CDH6: variants seen among roughly 807,000 people sequenced by gnomAD.
CDH6 encodes cadherin 6, also known as cadherin-6.
CDH6 carries 31 observed loss-of-function variants against 78.0 expected under a neutral mutation model. That is an observed-to-expected ratio of 0.40 (90% CI 0.30 to 0.54). CDH6 has a LOEUF of 0.54. Ranked by LOEUF, CDH6 falls within the 20% of genes least tolerant of loss-of-function variation. The pLI is 0.56. For missense variants in CDH6, 724 were observed against 975.9 expected, an observed-to-expected ratio of 0.74 and a Z score of 3.44; for synonymous variants, 376 against 368.8, an observed-to-expected ratio of 1.02 and a Z score of -0.23.
rs992953532 is a variant in CDH6, at chr5:31,306,801, A to G, written c.1253+1374A>G. 5.3e-5 allele frequency among the ~76,000 whole-genome samples: 8 copies of G among 152,198 alleles called. No homozygotes were observed. In the East Asian group the frequency reaches 9.6e-4, roughly 18 times the overall value. ...ACAAACAGTAAATATGTAATACGTC[A>G]GGCAAAAGTAAATTTTAAGTGGAAA... On this transcript the variant is annotated intron_variant, in intron 7 of 11. Coordinates refer to ENST00000265071, the MANE Select transcript of CDH6 (RefSeq NM_004932.4).
chr5:31,207,447 A>T lies in CDH6; in HGVS notation c.-129+13561A>T, dbSNP rs148916966. 4.2e-3 allele frequency among the ~76,000 whole-genome samples: 633 copies of T among 152,164 alleles called. 2 individuals carry two copies. The highest frequency in any genetic ancestry group is 0.015 in the African/African-American group (606 of 41,498). ...CTGCTTCTCCAAGAAGCATTCTCTG[A>T]CCCCCACCTACCTATCTGACTCTTA... On this transcript the variant is annotated intron_variant, in intron 1 of 11. Coordinates refer to ENST00000265071, the MANE Select transcript of CDH6 (RefSeq NM_004932.4).
At chr5:31,215,176 A>G (rs892997347) in intron 1 of CDH6, among the ~76,000 whole-genome samples, 2 of 152,210 alleles carry the variant, frequency 1.3e-5, no homozygotes, top group Middle Eastern at 3.2e-3. Context: ...TTTAAGTACA[A>G]TATCACATAG....
At chr5:31,209,812 A>G (rs1740641784) in intron 1 of CDH6, among the ~76,000 whole-genome samples, 1 of 152,220 alleles carries the variant, frequency 6.6e-6, no homozygotes, top group East Asian at 1.9e-4. Context: ...TATCCTCAGC[A>G]TCAAAGTCAT....
rs1056167813 is a variant in CDH6, at chr5:31,324,679, T to C, written c.*1371T>C. 4.7e-6 allele frequency: 1 copy of C among 210,778 alleles called. No individual in the cohort carries two copies. The highest frequency in any genetic ancestry group is 2.3e-5 in the African/African-American group (1 of 44,110). The allele number at this position is 210,778 out of a possible 1,614,324, so 13.1% of individuals were successfully genotyped here. A position where few individuals can be genotyped will look rare whatever the true frequency, so the allele number is the denominator to read the frequency against. ...ATGATAAAGTAATGATCTCAAACTA[T>C]GACAGAAAAGTAATGTAAAATCCAT... On this transcript the variant is annotated 3_prime_UTR_variant, in exon 12 of 12. Transcript: ENST00000265071.
chr5:31,311,484 G>A (rs1738153641), intron 7 of CDH6, among the ~76,000 whole-genome samples: 1 of 152,138 alleles, frequency 6.6e-6, no homozygotes. Context: ...ACCTCTGCCT[G>A]TTACCCAGTT....
In CDH6 at chr5:31,325,149, T is replaced by C. The variant is rs961223456; in HGVS notation, c.*1841T>C. The C allele has an allele frequency of 8.8e-6, 2 of 227,834 alleles. No homozygotes were observed. Among genetic ancestry groups the C allele is most frequent in the Non-Finnish European group, 1.7e-5 (2 of 114,710 alleles). 14.1% of individuals were successfully genotyped at this position (227,834 alleles called of 1,614,324 possible). On this transcript the variant is annotated 3_prime_UTR_variant, in exon 12 of 12. Transcript: ENST00000265071. The stretch of plus-strand genomic sequence containing the variant: ...AAACGTTAAAAGAAGAGAAATGTAG[T>C]ATTTTGGGTTACCTGATTAGAGTGA...
intron 1 of CDH6, among the ~76,000 whole-genome samples, chr5:31,231,417 T>C (rs1741306720): frequency 6.6e-6 from 1 of 152,178 alleles, no homozygotes; most frequent in African/African-American, 2.4e-5. Context: ...TTTTGAATAT[T>C]TCATGGACGC....
At chr5:31,202,389 C>T (rs1561194702) in intron 1 of CDH6, among the ~76,000 whole-genome samples, 1 of 152,294 alleles carries the variant, frequency 6.6e-6, no homozygotes, top group Non-Finnish European at 1.5e-5. Flanking sequence ...AATCCCAGCA[C>T]TTTGGGAGGC....
At chr5:31,245,691 T>C (rs1741726700) in intron 1 of CDH6, among the ~76,000 whole-genome samples, 1 of 152,236 alleles carries the variant, frequency 6.6e-6, no homozygotes, top group East Asian at 1.9e-4. Context: ...CTACAAGAAA[T>C]ATTTAACCTA....
chr5:31,295,478 T>C (rs1024716853), intron 3 of CDH6, among the ~76,000 whole-genome samples: 1 of 152,186 alleles, frequency 6.6e-6, no homozygotes, highest in Non-Finnish European at 1.5e-5. Flanking sequence ...CATTATAGAA[T>C]TAAATTTGTA....
At chr5:31,293,623 G>A (rs1579891089) in intron 2 of CDH6, among the ~76,000 whole-genome samples, 1 of 152,198 alleles carries the variant, frequency 6.6e-6, no homozygotes, top group Non-Finnish European at 1.5e-5. Flanking sequence ...GTGAAAAATA[G>A]GAAAATCGTG....
In CDH6 at chr5:31,327,316, A is replaced by G. The variant is rs1738644857; in HGVS notation, c.*4008A>G. The G allele has an allele frequency of 5.2e-6, 1 of 191,272 alleles. No individual in the cohort carries two copies. Among genetic ancestry groups the G allele is most frequent in the Admixed American group, 6.1e-5 (1 of 16,274 alleles). The allele number at this position is 191,272 out of a possible 1,614,324, so 11.8% of individuals were successfully genotyped here. On this transcript the variant is annotated 3_prime_UTR_variant, in exon 12 of 12. Transcript: ENST00000265071. ...TCAGCTAAATTCATTTTCACCAGGA[A>G]CAGACCACCAAATAAATTATTTTAT... is the stretch of plus-strand genomic sequence containing the variant.
chr5:31,265,531 T>C (rs1461527329), intron 1 of CDH6, among the ~76,000 whole-genome samples: 2 of 152,184 alleles, frequency 1.3e-5, no homozygotes, highest in Non-Finnish European at 2.9e-5. Context: ...TAATTACTCA[T>C]TGCTGGAGTG....
chr5:31,315,872 T>C (rs1428308165), intron 8 of CDH6, among the ~76,000 whole-genome samples: 1 of 152,210 alleles, frequency 6.6e-6, no homozygotes, highest in Non-Finnish European at 1.5e-5. Flanking sequence ...TCTCCTTCCT[T>C]TTGTCCATAT....
intron 7 of CDH6, among the ~76,000 whole-genome samples, chr5:31,310,535 T>C (rs1242044716): frequency 6.6e-6 from 1 of 152,132 alleles, no homozygotes; most frequent in Non-Finnish European, 1.5e-5. Flanking sequence ...GTGTGGACTC[T>C]GTGTGGGGGC....
rs996798537 is a variant in CDH6 at position 31,323,128 on chromosome 5, A to G, written c.2193A>G (p.Pro731=). Reference sequence around the variant, plus strand: ...ATGACACGGACCCCACTGCCCCGCCATACGACTCCTTGGCCACTTACGCCT... The same window carrying G: ...ATGACACGGACCCCACTGCCCCGCCGTACGACTCCTTGGCCACTTACGCCT... ...KENDTDPTAP[P]YDSLATYAYE... is the part of the protein sequence containing the mutation. The change falls in exon 12 of 12, where the codon CCA becomes CCG. Residue 731 remains proline, a synonymous_variant. Coordinates refer to ENST00000265071, the MANE Select transcript of CDH6 (RefSeq NM_004932.4). 2.5e-6 allele frequency: 4 copies of G among 1,614,194 alleles called. 1 individual carries two copies. The highest frequency in any genetic ancestry group is 2.2e-5 in the South Asian group (2 of 91,084).
chr5:31,307,211 T>C (rs1477265674), intron 7 of CDH6, among the ~76,000 whole-genome samples: 1 of 152,152 alleles, frequency 6.6e-6, no homozygotes, highest in Non-Finnish European at 1.5e-5. Context: ...AACCTTTGAG[T>C]ATAAGAGTTA....
chr5:31,285,506 G>A (rs1168473708), intron 2 of CDH6, among the ~76,000 whole-genome samples: 3 of 152,066 alleles, frequency 2.0e-5, no homozygotes, highest in African/African-American at 4.8e-5. Flanking sequence ...TTATTCCAAC[G>A]TAAATGGCAA....
At chr5:31,296,700 C>G (rs1301545634) in intron 3 of CDH6, among the ~76,000 whole-genome samples, 2 of 152,092 alleles carry the variant, frequency 1.3e-5, no homozygotes, top group Non-Finnish European at 2.9e-5. Flanking sequence ...ATTTATTTGT[C>G]ACATTACTTA....
Sources: gnomAD v4.1 joint callset for allele counts (sites outside exome capture counted in the v4.1 genomes callset) on GRCh38, gnomAD v4.1.1 for gene constraint, MANE v1.5 for transcripts, NCBI Gene and HGNC (gene_info 2026-07-23, HGNC 2026-07-21) for gene names.